The following MGAT5 variants were observed in gnomAD, a reference collection of about 807,000 sequenced individuals.
MGAT5 encodes alpha-1,6-mannosylglycoprotein 6-beta-N-acetylglucosaminyltransferase A.
Under a neutral mutation model 94.3 loss-of-function variants are expected in MGAT5, and 30 were observed. The ratio of observed to expected loss-of-function variants is 0.32; its 90% CI spans 0.24 to 0.43. The LOEUF (loss-of-function observed/expected upper bound fraction) is 0.43, where lower values mean the gene tolerates loss of function less well. Among genes scored for constraint, MGAT5 ranks in the 20% least tolerant of loss-of-function variants. The pLI is 1.00. For missense variants in MGAT5, 691 were observed against 905.5 expected, an observed-to-expected ratio of 0.76 and a Z score of 3.04; for synonymous variants, 310 against 322.9, an observed-to-expected ratio of 0.96 and a Z score of 0.43.
intron 14 of MGAT5, among the ~76,000 whole-genome samples, chr2:134,428,981 A>G (rs897161029): frequency 9.9e-5 from 15 of 152,220 alleles, no homozygotes; most frequent in African/African-American, 3.1e-4. Flanking sequence ...AAACTGCAGC[A>G]TGTGCTCCTA....
intron 14 of MGAT5, among the ~76,000 whole-genome samples, chr2:134,438,983 A>G (rs1685322099): frequency 6.6e-6 from 1 of 152,120 alleles, no homozygotes; most frequent in Non-Finnish European, 1.5e-5. Flanking sequence ...CTCATTAACC[A>G]CCAAAACTCA....
At chr2:134,425,388 T>G (rs1684520260) in intron 13 of MGAT5, among the ~76,000 whole-genome samples, 1 of 152,020 alleles carries the variant, frequency 6.6e-6, no homozygotes. Context: ...TTTTGTTTTG[T>G]TTTTTTGTGG....
rs114763112 is a variant in MGAT5 at position 134,314,329 on chromosome 2, C to T, written c.407-3200C>T. Reference sequence around the variant, plus strand: ...AACATGGAGTTGCAGAGGAGACTGTCGAATTAGCTGACAAACCACCAGTTT... The same window carrying T: ...AACATGGAGTTGCAGAGGAGACTGTTGAATTAGCTGACAAACCACCAGTTT... On this transcript the variant is annotated intron_variant, in intron 2 of 15. Coordinates refer to ENST00000281923, the MANE Select transcript of MGAT5 (RefSeq NM_002410.5). 5.9e-3 allele frequency among the ~76,000 whole-genome samples: 902 copies of T among 152,270 alleles called. 16 individuals carry two copies. Among genetic ancestry groups the T allele is most frequent in the African/African-American group, 0.021 (863 of 41,542 alleles).
At chr2:134,412,544 G>C (rs1027848823) in intron 11 of MGAT5, among the ~76,000 whole-genome samples, 1 of 152,020 alleles carries the variant, frequency 6.6e-6, no homozygotes. Flanking sequence ...GTTGGGTCTT[G>C]GTGGTGGTGG....
Position 134,161,318 on chromosome 2 carries a change from G to A in MGAT5, c.-143+41027G>A, listed in dbSNP as rs147955024. Among the ~76,000 whole-genome samples, 1,284 of 152,318 alleles carry A rather than the reference G, an allele frequency of 8.4e-3. 7 individuals carry two copies. Among genetic ancestry groups the A allele is most frequent in the Non-Finnish European group, 0.014 (942 of 68,024 alleles). On this transcript the variant is annotated intron_variant, in intron 1 of 16. Transcript: ENST00000409645. ...CCGTGGGGCTAGCCTTGGGGGCTGGGTTGGGCCTGGGAGCAACGGGAAGGA... is the reference window on the plus strand; with the variant it reads ...CCGTGGGGCTAGCCTTGGGGGCTGGATTGGGCCTGGGAGCAACGGGAAGGA...
At chr2:134,394,422 A>G (rs1682590488) in intron 10 of MGAT5, among the ~76,000 whole-genome samples, 1 of 152,214 alleles carries the variant, frequency 6.6e-6, no homozygotes, top group Admixed American at 6.5e-5. Flanking sequence ...GTCCTTTAAC[A>G]TGAATATATG....
intron 3 of MGAT5, 119 bp from the exon 4 acceptor site, chr2:134,318,531 T>A: frequency 1.4e-6 from 1 of 737,456 alleles, no homozygotes; most frequent in Non-Finnish European, 2.4e-6. Context: ...TGTCACTCAG[T>A]TCTTTAGGCC....
At chr2:134,430,430 A>G (rs1410094440) in intron 14 of MGAT5, among the ~76,000 whole-genome samples, 1 of 152,186 alleles carries the variant, frequency 6.6e-6, no homozygotes, top group African/African-American at 2.4e-5. Flanking sequence ...TCCATAATGC[A>G]GAGGCTCCAC....
In MGAT5 at chr2:134,412,887, T is replaced by C; in HGVS notation, c.1549T>C (p.Phe517Leu). The stretch of plus-strand genomic sequence containing the variant: ...CTTACAGTTGTTTGTTGGACTTGGG[T>C]TCCCTTACGAGGGCCCAGCTCCCCT... ...RETKLFVGLG[F>L]PYEGPAPLEA... is the part of the protein sequence containing the mutation. Residue 517 changes from phenylalanine (F) to leucine (L), a missense_variant, in exon 12 of 16, where the codon TTC (phenylalanine) becomes CTC (leucine). Physicochemically the swap from Phe to Leu is conservative, Grantham distance 22 (BLOSUM62 0). Around this residue, in one of 4 missense-constraint regions of MGAT5, gnomAD observed 260 missense variants for 347.0 expected, o/e 0.75. Transcript: ENST00000281923. The C allele has an allele frequency of 6.2e-7, 1 of 1,614,068 alleles. No homozygotes were observed. The highest frequency in any genetic ancestry group is 8.5e-7 in the Non-Finnish European group (1 of 1,179,990).
chr2:134,149,647 A>G (rs906842713), intron 1 of MGAT5, among the ~76,000 whole-genome samples: 1 of 152,260 alleles, frequency 6.6e-6, no homozygotes, highest in Non-Finnish European at 1.5e-5. Flanking sequence ...TGTGCATTTC[A>G]TCTCAATTGC....
chr2:134,193,153 C>T (rs113695730), intron 1 of MGAT5, among the ~76,000 whole-genome samples: 10,018 of 147,924 alleles, frequency 0.068, 626 homozygotes, highest in East Asian at 0.25. Context: ...GACAAGGTCT[C>T]GCTATGTTAC....
At chr2:134,383,011 T>C (rs4953917) in intron 10 of MGAT5, among the ~76,000 whole-genome samples, 122,735 of 152,222 alleles carry the variant, frequency 0.81, 49,707 homozygotes, top group East Asian at 0.92. Context: ...TTGATAGAGG[T>C]GAGTCCTTTT....
intron 1 of MGAT5, among the ~76,000 whole-genome samples, chr2:134,146,386 C>T (rs1236941855): frequency 6.8e-6 from 1 of 147,622 alleles, no homozygotes; most frequent in East Asian, 2.0e-4. Context: ...AGTGAGACCT[C>T]GTCTCTACAA....
chr2:134,377,729 C>T (rs1484358987), intron 10 of MGAT5, among the ~76,000 whole-genome samples: 1 of 152,146 alleles, frequency 6.6e-6, no homozygotes, highest in Non-Finnish European at 1.5e-5. Context: ...GTGACTTGGT[C>T]TTTCAAAGGA....
At chr2:134,185,144 G>A (rs1326665259) in intron 1 of MGAT5, among the ~76,000 whole-genome samples, 1 of 152,118 alleles carries the variant, frequency 6.6e-6, no homozygotes, top group African/African-American at 2.4e-5. Context: ...TGGGGGAAGG[G>A]TGGGAGTGGG....
chr2:134,214,131 A>G (rs1474234279), intron 1 of MGAT5, among the ~76,000 whole-genome samples: 2 of 152,188 alleles, frequency 1.3e-5, no homozygotes, highest in East Asian at 3.9e-4. Flanking sequence ...TAAGGCCTTC[A>G]TAATTTCCCA....
chr2:134,245,100 T>C (rs111908650), intron 1 of MGAT5, among the ~76,000 whole-genome samples: 2,613 of 152,200 alleles, frequency 0.017, 34 homozygotes, highest in African/African-American at 0.031. Flanking sequence ...GCAAGCTCCG[T>C]CTCCCGGGTT....
chr2:134,285,359 T>C (rs1368580599), intron 2 of MGAT5, among the ~76,000 whole-genome samples: 4 of 152,150 alleles, frequency 2.6e-5, no homozygotes, highest in Non-Finnish European at 5.9e-5. Flanking sequence ...TCAAAAGCTT[T>C]ATTTTTAAAT....
intron 1 of MGAT5, among the ~76,000 whole-genome samples, chr2:134,192,759 G>A (rs1573833525): frequency 1.3e-5 from 2 of 152,038 alleles, no homozygotes; most frequent in Admixed American, 1.3e-4. Flanking sequence ...AGTAAAACAT[G>A]CAATTACTAC....
Sources: allele counts gnomAD v4.1 joint callset (sites outside exome capture counted in the v4.1 genomes callset), GRCh38; gene constraint gnomAD v4.1.1; regional missense constraint gnomAD v4.1.1; transcripts MANE v1.5; gene names NCBI Gene and HGNC (gene_info 2026-07-23, HGNC 2026-07-21).